Variants in ANKRD44 observed in about 807,000 individuals in gnomAD.
ANKRD44 encodes the protein ankyrin repeat domain 44.
A neutral mutation model predicts 116.0 loss-of-function variants in ANKRD44; 35 were observed. The observed-to-expected ratio is 0.30, with a 90% CI of 0.23 to 0.40. The LOEUF (loss-of-function observed/expected upper bound fraction) is 0.40, where lower values mean the gene tolerates loss of function less well. Ranked by LOEUF, ANKRD44 falls within the 10% of genes least tolerant of loss-of-function variation. ANKRD44 has a pLI of 1.00. For missense variants in ANKRD44, 1,014 were observed against 1,242.6 expected, an observed-to-expected ratio of 0.82 and a Z score of 2.77; for synonymous variants, 435 against 461.8, an observed-to-expected ratio of 0.94 and a Z score of 0.74.
At chr2:197,187,627 C>T (rs1204529642) in intron 1 of ANKRD44, among the ~76,000 whole-genome samples, 1 of 150,394 alleles carries the variant, frequency 6.6e-6, no homozygotes, top group Non-Finnish European at 1.5e-5. Flanking sequence ...GAAGAGACAC[C>T]AGAGCTCACG....
chr2:197,054,559 C>T (rs1021948433), intron 16 of ANKRD44, among the ~76,000 whole-genome samples: 1 of 152,214 alleles, frequency 6.6e-6, no homozygotes, highest in Non-Finnish European at 1.5e-5. Flanking sequence ...GTACATACCA[C>T]TCAGCTAGTG....
chr2:197,263,157 G>A (rs2082651854), intron 1 of ANKRD44: 2 of 468,664 alleles, frequency 4.3e-6, no homozygotes, highest in East Asian at 5.4e-5. Flanking sequence ...TTGGTCAAGA[G>A]CGCCTCACAG....
chr2:197,210,149 A>C (rs980147549), intron 1 of ANKRD44, among the ~76,000 whole-genome samples: 1 of 152,230 alleles, frequency 6.6e-6, no homozygotes, highest in South Asian at 2.1e-4. Flanking sequence ...ACTCCTAAAA[A>C]AAGAACAGCA....
chr2:197,121,599 T>G, intron 7 of ANKRD44, 55 bp from the exon 8 acceptor site: 1 of 1,470,684 alleles, frequency 6.8e-7, no homozygotes, highest in Non-Finnish European at 9.4e-7. Context: ...GTTTACTCCA[T>G]TTTCCACAAA....
chr2:197,310,004 C>G (rs1457266525), intron 1 of ANKRD44, among the ~76,000 whole-genome samples: 1 of 152,210 alleles, frequency 6.6e-6, no homozygotes. Context: ...CCGGCCCGAT[C>G]CGAAAGGGCG....
chr2:197,055,855 T>C (rs2125031227), intron 16 of ANKRD44, among the ~76,000 whole-genome samples: 1 of 152,314 alleles, frequency 6.6e-6, no homozygotes, highest in African/African-American at 2.4e-5. Flanking sequence ...GATGAGTTCA[T>C]CTATCTTTGC....
intron 1 of ANKRD44, among the ~76,000 whole-genome samples, chr2:197,246,137 C>A (rs2082185006): frequency 2.6e-5 from 4 of 152,074 alleles, no homozygotes; most frequent in Admixed American, 2.6e-4. Context: ...CCTATAATCC[C>A]ATGAATGACT....
chr2:197,009,020 G>T lies in ANKRD44; in HGVS notation c.1936C>A (p.His646Asn). Residue 646 changes from histidine to asparagine, a missense_variant, in exon 19 of 28, where the codon CAC becomes AAC. Coordinates refer to ENST00000282272, the MANE Select transcript of ANKRD44 (RefSeq NM_001195144.2). ...AGCAACAGCCGTAAACACAGTGTGT[G>T]ACCATTAATTACTGAAAAAGAAAAC... ...TPLHASVING[H>N]TLCLRLLLEI... 1 of 1,613,894 alleles carries T rather than the reference G, an allele frequency of 6.2e-7. No individual in the cohort carries two copies. Among genetic ancestry groups the T allele is most frequent in the South Asian group, 1.1e-5 (1 of 91,030 alleles).
intron 9 of ANKRD44, among the ~76,000 whole-genome samples, chr2:197,101,955 G>T (rs1042091320): frequency 1.3e-5 from 2 of 151,530 alleles, no homozygotes; most frequent in Non-Finnish European, 2.9e-5. Context: ...TTTTGAAAAG[G>T]CTTACTCATT....
chr2:197,260,715 C>T (rs998308852), intron 1 of ANKRD44, among the ~76,000 whole-genome samples: 4 of 151,960 alleles, frequency 2.6e-5, no homozygotes, highest in African/African-American at 9.7e-5. Flanking sequence ...TAAAAGTGTT[C>T]CTATTTCTCC....
intron 1 of ANKRD44, among the ~76,000 whole-genome samples, chr2:197,209,779 A>C (rs2081286178): frequency 6.6e-6 from 1 of 152,244 alleles, no homozygotes; most frequent in Non-Finnish European, 1.5e-5. Flanking sequence ...CATTGCTTCT[A>C]AGTTCTCTAA....
chr2:196,999,700 T>C (rs1250092364), intron 23 of ANKRD44, among the ~76,000 whole-genome samples: 1 of 152,014 alleles, frequency 6.6e-6, no homozygotes, highest in African/African-American at 2.4e-5. Flanking sequence ...TTCACGCCAT[T>C]CTCCTGCCTC....
At chr2:197,206,419 C>A (rs565794993) in intron 1 of ANKRD44, among the ~76,000 whole-genome samples, 1 of 152,154 alleles carries the variant, frequency 6.6e-6, no homozygotes, top group East Asian at 1.9e-4. Context: ...CGTAGTGGCT[C>A]GTGCCTGTAA....
intron 16 of ANKRD44, among the ~76,000 whole-genome samples, chr2:197,061,872 C>A (rs546842701): frequency 6.6e-6 from 1 of 151,862 alleles, no homozygotes; most frequent in South Asian, 2.1e-4. Context: ...CCTCTGCCTT[C>A]CAGATTCAAG....
At position 197,310,711 on chromosome 2, in the gene ANKRD44, C is replaced by A; in HGVS notation, c.-107G>T. On this transcript the variant is annotated 5_prime_UTR_variant, in exon 1 of 28. Coordinates refer to ENST00000282272, the MANE Select transcript of ANKRD44 (RefSeq NM_001195144.2). ...TGCCAGGAGAAGGGAAAAAATCTGGCTCCCGAATTTGACAGCCCTCCCCCT... is the reference window on the plus strand; with the variant it reads ...TGCCAGGAGAAGGGAAAAAATCTGGATCCCGAATTTGACAGCCCTCCCCCT... The A allele has an allele frequency of 8.4e-7, 1 of 1,196,842 alleles. No individual in the cohort carries two copies. Among genetic ancestry groups the A allele is most frequent in the Non-Finnish European group, 1.1e-6 (1 of 931,208 alleles). The allele number at this position is 1,196,842 out of a possible 1,614,324, so 74.1% of individuals were successfully genotyped here.
intron 16 of ANKRD44, among the ~76,000 whole-genome samples, chr2:197,061,835 C>T (rs930692884): frequency 3.4e-5 from 5 of 147,096 alleles, no homozygotes; most frequent in African/African-American, 1.0e-4. Context: ...GGCTGGAGTG[C>T]AATGGTACAA....
intron 16 of ANKRD44, among the ~76,000 whole-genome samples, chr2:197,042,611 A>G (rs530821054): frequency 1.6e-4 from 24 of 152,216 alleles, no homozygotes; most frequent in South Asian, 4.1e-4. Flanking sequence ...CTCTCCCCCA[A>G]TGTCAAATAT....
intron 19 of ANKRD44, 89 bp downstream of exon 19, chr2:197,008,855 C>T (rs938421792): frequency 1.3e-4 from 148 of 1,167,946 alleles, no homozygotes; most frequent in Non-Finnish European, 1.7e-4. Flanking sequence ...TTCTCGGTTC[C>T]GCAGTCAGCC....
intron 27 of ANKRD44, among the ~76,000 whole-genome samples, chr2:196,991,463 C>T (rs1241846900): frequency 6.6e-6 from 1 of 152,096 alleles, no homozygotes; most frequent in Non-Finnish European, 1.5e-5. Context: ...TTTATATATG[C>T]TTCATAGAAA....
Sources: allele counts gnomAD v4.1 joint callset (sites outside exome capture counted in the v4.1 genomes callset), GRCh38; gene constraint gnomAD v4.1.1; transcripts MANE v1.5; gene names NCBI Gene and HGNC (gene_info 2026-07-23, HGNC 2026-07-21).